The following ASCC3 variants were observed in gnomAD, a reference collection of about 807,000 sequenced individuals.
ASCC3 encodes ASC-1 complex subunit P200.
A neutral mutation model predicts 256.3 loss-of-function variants in ASCC3; 158 were observed. The ratio of observed to expected loss-of-function variants is 0.62; its 90% CI spans 0.54 to 0.70. The LOEUF (loss-of-function observed/expected upper bound fraction) is 0.70. Ranked by LOEUF, ASCC3 falls within the 30% of genes least tolerant of loss-of-function variation. The pLI, the probability that ASCC3 is intolerant of heterozygous loss-of-function variation, is 0.00. For synonymous variants in ASCC3, 948 were observed against 883.4 expected (o/e 1.07, Z -1.30); for missense variants, 2,259 against 2,626.0 (o/e 0.86, Z 3.05).
intron 4 of ASCC3, among the ~76,000 whole-genome samples, chr6:100,842,034 T>C (rs1475224872): frequency 6.6e-6 from 1 of 152,140 alleles, no homozygotes; most frequent in Non-Finnish European, 1.5e-5. Context: ...GGCAGCAGGG[T>C]AGAGGCTCTT....
intron 5 of ASCC3, 78 bp from the exon 6 acceptor site, chr6:100,800,582 TC>T: frequency 9.0e-7 from 1 of 1,116,886 alleles, no homozygotes; most frequent in Non-Finnish European, 1.3e-6. Flanking sequence ...ATTTCTTTCC[TC>T]CACCCCACAA....
At chr6:100,583,778 G>A (rs1771464178) in intron 36 of ASCC3, among the ~76,000 whole-genome samples, 1 of 152,036 alleles carries the variant, frequency 6.6e-6, no homozygotes, top group Non-Finnish European at 1.5e-5. Flanking sequence ...AGAGATTCTG[G>A]TATGTGTGTC....
At chr6:100,634,289 T>C (rs927385208) in intron 25 of ASCC3, among the ~76,000 whole-genome samples, 1 of 152,146 alleles carries the variant, frequency 6.6e-6, no homozygotes, top group African/African-American at 2.4e-5. Context: ...TGAAACCACA[T>C]TATATATTAT....
intron 36 of ASCC3, among the ~76,000 whole-genome samples, chr6:100,584,308 T>C (rs1349396807): frequency 2.0e-5 from 3 of 151,682 alleles, no homozygotes; most frequent in Non-Finnish European, 2.9e-5. Context: ...TAGTTAGCTC[T>C]TCTTGTTGAA....
chr6:100,628,643 G>C (rs1176587105), intron 27 of ASCC3, among the ~76,000 whole-genome samples: 2 of 152,008 alleles, frequency 1.3e-5, no homozygotes, highest in East Asian at 3.9e-4. Flanking sequence ...TTTGCCTTCA[G>C]TCATGATTGA....
At chr6:100,837,512 A>T (rs1405329916) in intron 4 of ASCC3, among the ~76,000 whole-genome samples, 1 of 152,166 alleles carries the variant, frequency 6.6e-6, no homozygotes, top group African/African-American at 2.4e-5. Context: ...TGAATAGATA[A>T]ATATATAGTA....
rs528740140 is a variant in ASCC3 at position 100,822,759 on chromosome 6, T to A, written c.802-16879A>T. ...AATGCTCTCTATATACAGCATGAACTGTCCTTTAAATCCTATCAACTCCCA... is the reference window on the plus strand; with the variant it reads ...AATGCTCTCTATATACAGCATGAACAGTCCTTTAAATCCTATCAACTCCCA... On this transcript the variant is annotated intron_variant, in intron 4 of 41. Transcript: ENST00000369162. 9.9e-5 allele frequency among the ~76,000 whole-genome samples: 15 copies of A among 152,252 alleles called. No individual in the cohort carries two copies. The South Asian group carries it at 2.9e-3, about 29-fold the overall frequency.
chr6:100,694,077 G>C (rs935650258), intron 13 of ASCC3, among the ~76,000 whole-genome samples: 2 of 151,996 alleles, frequency 1.3e-5, no homozygotes, highest in Non-Finnish European at 2.9e-5. Flanking sequence ...AATTATATTT[G>C]CTCTTGGATA....
intron 30 of ASCC3, among the ~76,000 whole-genome samples, chr6:100,612,235 A>G (rs914967039): frequency 2.6e-5 from 4 of 152,066 alleles, no homozygotes; most frequent in Non-Finnish European, 5.9e-5. Flanking sequence ...CCTGAAATAC[A>G]TTCCAGTCGA....
chr6:100,675,265 G>A (rs1395616612), intron 14 of ASCC3, among the ~76,000 whole-genome samples: 3 of 151,526 alleles, frequency 2.0e-5, no homozygotes, highest in African/African-American at 7.3e-5. Flanking sequence ...GATATGGCAG[G>A]GAAAGAATAA....
At chr6:100,744,779 T>C (rs1230198069) in intron 10 of ASCC3, among the ~76,000 whole-genome samples, 2 of 152,176 alleles carry the variant, frequency 1.3e-5, no homozygotes, top group Non-Finnish European at 2.9e-5. Flanking sequence ...GTTAAATAAA[T>C]ATAAAATATT....
intron 36 of ASCC3, among the ~76,000 whole-genome samples, chr6:100,573,956 G>T (rs548241499): frequency 1.7e-4 from 26 of 152,170 alleles, no homozygotes; most frequent in African/African-American, 6.3e-4. Context: ...AGGATAGGCT[G>T]GTAACTCTTT....
chr6:100,518,210 G>C, intron 37 of ASCC3, 68 bp from the exon 38 acceptor site: 1 of 1,550,596 alleles, frequency 6.4e-7, no homozygotes, highest in Non-Finnish European at 8.9e-7. Context: ...CTGGGATTCT[G>C]ATGTTAGCTT....
At chr6:100,566,466 C>A (rs1373159780) in intron 36 of ASCC3, among the ~76,000 whole-genome samples, 6 of 152,166 alleles carry the variant, frequency 3.9e-5, no homozygotes, top group Non-Finnish European at 8.8e-5. Context: ...GGTCATTCCC[C>A]ACCTCCTCAG....
At chr6:100,840,620 A>C (rs906893604) in intron 4 of ASCC3, among the ~76,000 whole-genome samples, 9 of 152,048 alleles carry the variant, frequency 5.9e-5, no homozygotes, top group Middle Eastern at 6.8e-3. Flanking sequence ...GCAAATAATA[A>C]TACTACTCTG....
intron 16 of ASCC3, among the ~76,000 whole-genome samples, chr6:100,659,870 T>C: frequency 6.6e-6 from 1 of 151,742 alleles, no homozygotes; most frequent in Non-Finnish European, 1.5e-5. Context: ...TCTTCAAAAC[T>C]ACGTTAATCT....
intron 10 of ASCC3, among the ~76,000 whole-genome samples, chr6:100,759,545 T>C (rs1453531567): frequency 6.6e-6 from 1 of 152,174 alleles, no homozygotes; most frequent in East Asian, 1.9e-4. Context: ...TGGTTGTAAA[T>C]GTGTGGTGTT....
chr6:100,658,619 A>G (rs1416311429), intron 16 of ASCC3, among the ~76,000 whole-genome samples: 1 of 151,450 alleles, frequency 6.6e-6, no homozygotes, highest in Non-Finnish European at 1.5e-5. Context: ...CTACCTTGGC[A>G]CAGGCATTTC....
At chr6:100,532,163 T>G (rs1222457266) in intron 37 of ASCC3, among the ~76,000 whole-genome samples, 1 of 151,392 alleles carries the variant, frequency 6.6e-6, no homozygotes, top group Non-Finnish European at 1.5e-5. Flanking sequence ...TCTTATTTTG[T>G]TGAAATTACT....
Sources: gnomAD v4.1 joint callset for allele counts (sites outside exome capture counted in the v4.1 genomes callset) on GRCh38, gnomAD v4.1.1 for gene constraint, MANE v1.5 for transcripts, NCBI Gene and HGNC (gene_info 2026-07-23, HGNC 2026-07-21) for gene names.